Variants in NOSTRIN observed in about 807,000 individuals in gnomAD.
NOSTRIN encodes BM247 homolog.
In NOSTRIN, 63 loss-of-function variants were observed where a neutral mutation model predicts 59.0. That is an observed-to-expected ratio of 1.07 (90% CI 0.87 to 1.32). NOSTRIN has a LOEUF of 1.32. NOSTRIN is among the 40% of genes most tolerant of loss of function. The pLI is 0.00. For missense variants in NOSTRIN, 512 were observed against 473.1 expected (o/e 1.08, Z -0.76); for synonymous variants, 200 against 165.4 (o/e 1.21, Z -1.61).
At position 168,849,178 on chromosome 2, in the gene NOSTRIN, T is replaced by C. The variant is rs1210945848; in HGVS notation, c.631-1906T>C. Among the ~76,000 whole-genome samples the C allele has an allele frequency of 4.6e-5, 7 of 152,054 alleles. No individual in the cohort carries two copies. The East Asian group carries it at 1.4e-3, about 29-fold the overall frequency. On this transcript the variant is annotated intron_variant, in intron 8 of 15. Transcript: ENST00000317647. ...CTTGAGACATACCCATCTTTCTTCT[T>C]CCCTATGGTCGTGTTACCCACCAAC...
chr2:168,801,978 G>C (rs1685627375), upstream of NOSTRIN, among the ~76,000 whole-genome samples: 1 of 152,142 alleles, frequency 6.6e-6, no homozygotes. Context: ...AGCTGTTTCT[G>C]AACATTCTAT....
upstream of NOSTRIN, among the ~76,000 whole-genome samples, chr2:168,797,392 C>T (rs1412519379): frequency 1.3e-5 from 2 of 152,134 alleles, no homozygotes; most frequent in African/African-American, 2.4e-5. Context: ...CTGCCACACC[C>T]AGCCTAAACT....
intron 2 of NOSTRIN, among the ~76,000 whole-genome samples, chr2:168,789,338 A>T (rs1685286679): frequency 6.6e-6 from 1 of 152,236 alleles, no homozygotes; most frequent in Admixed American, 6.5e-5. Context: ...ACAGTTCCAC[A>T]TGGATGGGGA....
intron 7 of NOSTRIN, among the ~76,000 whole-genome samples, chr2:168,837,599 G>A (rs1408442843): frequency 3.9e-5 from 6 of 152,014 alleles, no homozygotes; most frequent in East Asian, 3.9e-4. Context: ...GTGAGCCACC[G>A]CGCCCGGTCA....
chr2:168,812,353 A>T (rs1303864205), intron 2 of NOSTRIN, among the ~76,000 whole-genome samples: 1 of 152,176 alleles, frequency 6.6e-6, no homozygotes, highest in African/African-American at 2.4e-5. Flanking sequence ...TAAAATAATG[A>T]ATGTGTGCCA....
chr2:168,826,310 C>CTGGGATTAGTACAGTATTT (rs1423912055), intron 3 of NOSTRIN, among the ~76,000 whole-genome samples: 9 of 152,114 alleles, frequency 5.9e-5, no homozygotes, highest in Non-Finnish European at 1.0e-4. Flanking sequence ...GTTAGGCCAA[C>CTGGGATTAGTACAGTATTT]TGGGATTAGT....
intron 2 of NOSTRIN, among the ~76,000 whole-genome samples, chr2:168,789,425 C>A (rs1685289444): frequency 6.6e-6 from 1 of 152,146 alleles, no homozygotes. Flanking sequence ...AGGGGAACTC[C>A]CCTTTATAAA....
chr2:168,797,532 CAGCTGGGCCAACATAA>C (rs1685516869), upstream of NOSTRIN, among the ~76,000 whole-genome samples: 1 of 152,188 alleles, frequency 6.6e-6, no homozygotes, highest in African/African-American at 2.4e-5. Flanking sequence ...AAGTAAAAGT[CAGCTGGGCCAACATAA>C]AGCTATAAGG....
At chr2:168,834,882 A>G (rs1687628838) in intron 7 of NOSTRIN, among the ~76,000 whole-genome samples, 1 of 152,180 alleles carries the variant, frequency 6.6e-6, no homozygotes, top group Non-Finnish European at 1.5e-5. Flanking sequence ...TTAATATGTT[A>G]TGAACATTAT....
chr2:168,824,989 G>A (rs915175623), intron 3 of NOSTRIN, among the ~76,000 whole-genome samples: 26 of 151,802 alleles, frequency 1.7e-4, no homozygotes, highest in African/African-American at 5.3e-4. Context: ...GAACTCCTGG[G>A]CTCAAGTAAT....
intron 8 of NOSTRIN, among the ~76,000 whole-genome samples, chr2:168,849,505 G>A (rs991098063): frequency 6.6e-5 from 10 of 151,748 alleles, no homozygotes; most frequent in South Asian, 6.2e-4. Context: ...ACAGGCGCCC[G>A]CCACCAGGCC....
At chr2:168,858,753 A>C (rs562506550) in intron 12 of NOSTRIN, among the ~76,000 whole-genome samples, 19 of 152,288 alleles carry the variant, frequency 1.2e-4, no homozygotes, top group African/African-American at 4.6e-4. Flanking sequence ...ACACCCTGGC[A>C]GGGATATTAG....
In NOSTRIN at chr2:168,834,507, G is replaced by GCGCGCACACACA. The variant is rs756381301; in HGVS notation, c.504+183_504+184insGCGCACACACAC. 8.4e-3 allele frequency among the ~76,000 whole-genome samples: 1,048 copies of GCGCGCACACACA among 125,320 alleles called. 4 individuals are homozygous for GCGCGCACACACA. The highest frequency in any genetic ancestry group is 0.016 in the East Asian group (65 of 4,180). 82.2% of individuals were successfully genotyped at this position (125,320 alleles called of 152,430 possible). A position where few individuals can be genotyped will look rare whatever the true frequency, so the allele number is the denominator to read the frequency against. On this transcript the variant is annotated intron_variant, in intron 7 of 15. Transcript: ENST00000317647. ...TACTGGCGTGCGCGCGCGCGCGCGCGCACACACACACACACACACACACAC... is the reference window on the plus strand; with the variant it reads ...TACTGGCGTGCGCGCGCGCGCGCGCGCGCGCACACACACACACACACACACACACACACACAC...
chr2:168,842,241 G>C (rs541484668), intron 7 of NOSTRIN, among the ~76,000 whole-genome samples: 27 of 152,216 alleles, frequency 1.8e-4, no homozygotes, highest in South Asian at 6.2e-4. Flanking sequence ...GTGAGAGACA[G>C]GAGGGCAGAA....
chr2:168,793,692 T>C (rs939207697), upstream of NOSTRIN, among the ~76,000 whole-genome samples: 8 of 152,340 alleles, frequency 5.3e-5, no homozygotes, highest in African/African-American at 1.7e-4. Flanking sequence ...CTTTTGTGAC[T>C]CTATTTACCT....
In NOSTRIN at chr2:168,864,976, G is replaced by A; in HGVS notation, c.*6G>A. The A allele has an allele frequency of 6.2e-7, 1 of 1,613,796 alleles. No homozygotes were observed. ...ACACAGCTACAAAGGCATAAAACAA[G>A]ACTCTGAACATACTACCTTCACACT... On this transcript the variant is annotated 3_prime_UTR_variant, in exon 16 of 16. Coordinates refer to ENST00000317647, the MANE Select transcript of NOSTRIN (RefSeq NM_001039724.4).
chr2:168,864,791 G>A (rs1347829575), intron 15 of NOSTRIN, 43 bp from the exon 16 acceptor site: 8 of 1,610,514 alleles, frequency 5.0e-6, no homozygotes, highest in Non-Finnish European at 6.8e-6. Context: ...TGAGGCATGT[G>A]TTCACATCAC....
At chr2:168,787,640 C>A (rs1559094926) in intron 1 of NOSTRIN, among the ~76,000 whole-genome samples, 1 of 152,238 alleles carries the variant, frequency 6.6e-6, no homozygotes, top group Non-Finnish European at 1.5e-5. Flanking sequence ...GTCCACTACA[C>A]AGCAGGTGCC....
intron 7 of NOSTRIN, among the ~76,000 whole-genome samples, chr2:168,840,975 G>A (rs1053835924): frequency 6.6e-6 from 1 of 152,110 alleles, no homozygotes; most frequent in Admixed American, 6.5e-5. Flanking sequence ...AGAATCGGCT[G>A]GGTGCGATGG....
Sources: allele counts gnomAD v4.1 joint callset (sites outside exome capture counted in the v4.1 genomes callset), GRCh38; gene constraint gnomAD v4.1.1; transcripts MANE v1.5; gene names NCBI Gene and HGNC (gene_info 2026-07-23, HGNC 2026-07-21).